Variants in RASGRP1 observed in about 807,000 individuals in gnomAD.
RASGRP1 encodes the protein RAS guanyl releasing protein 1.
RASGRP1 carries 37 observed loss-of-function variants against 95.1 expected under a neutral mutation model. The ratio of observed to expected loss-of-function variants is 0.39; its 90% CI spans 0.30 to 0.51. The LOEUF is 0.51. RASGRP1 is among the 20% of genes least tolerant of loss of function. The probability of loss-of-function intolerance (pLI) is 0.80; values close to 1 mark genes in which losing one functional copy is unlikely to be tolerated. For synonymous variants in RASGRP1, 325 were observed against 353.4 expected, an observed-to-expected ratio of 0.92 and a Z score of 0.90; for missense variants, 711 against 965.4, an observed-to-expected ratio of 0.74 and a Z score of 3.49.
At chr15:38,524,897 G>T (rs368114675) in intron 3 of RASGRP1, among the ~76,000 whole-genome samples, 25 of 151,610 alleles carry the variant, frequency 1.6e-4, no homozygotes, top group African/African-American at 5.3e-4. Context: ...GGGAAAGGGA[G>T]GGGGGGTCTG....
chr15:38,563,509 C>T (rs1378951700), intron 1 of RASGRP1, among the ~76,000 whole-genome samples: 1 of 152,102 alleles, frequency 6.6e-6, no homozygotes, highest in Non-Finnish European at 1.5e-5. Context: ...TTATGAAATC[C>T]GCCTAGAAAA....
At chr15:38,522,717 A>C (rs753773414) in intron 3 of RASGRP1, among the ~76,000 whole-genome samples, 2 of 152,180 alleles carry the variant, frequency 1.3e-5, no homozygotes, top group African/African-American at 2.4e-5. Context: ...GCCCCATTAC[A>C]TCCAGTATAT....
chr15:38,498,717 G>A (rs1397964812), intron 15 of RASGRP1, 77 bp downstream of exon 15: 3 of 1,528,170 alleles, frequency 2.0e-6, no homozygotes, highest in East Asian at 2.3e-5. Flanking sequence ...ACAGAGTCAT[G>A]AGGTAATCTT....
intron 2 of RASGRP1, among the ~76,000 whole-genome samples, chr15:38,547,636 A>C (rs937778483): frequency 6.6e-6 from 1 of 152,210 alleles, no homozygotes; most frequent in African/African-American, 2.4e-5. Flanking sequence ...AATCTTGTTA[A>C]ATTTCCACCC....
intron 2 of RASGRP1, among the ~76,000 whole-genome samples, chr15:38,552,652 A>G (rs1893384496): frequency 6.6e-6 from 1 of 152,244 alleles, no homozygotes; most frequent in African/African-American, 2.4e-5. Flanking sequence ...AAATGTAGTC[A>G]TGAATTAGGA....
At chr15:38,494,343 A>AAGAT (rs748162696) in intron 16 of RASGRP1, 39 bp downstream of exon 16, 2 of 1,607,358 alleles carry the variant, frequency 1.2e-6, no homozygotes, top group South Asian at 2.2e-5. Flanking sequence ...CCACTTCTCT[A>AAGAT]AGATAGTCTG....
intron 2 of RASGRP1, among the ~76,000 whole-genome samples, chr15:38,542,918 T>C (rs1264900993): frequency 8.6e-6 from 1 of 115,656 alleles, no homozygotes; most frequent in African/African-American, 3.2e-5. Flanking sequence ...CATATATATG[T>C]GTGTATATAT....
In RASGRP1 at chr15:38,512,300, T is replaced by C. The variant is rs192606892; in HGVS notation, c.849+483A>G. 2.6e-5 allele frequency among the ~76,000 whole-genome samples: 4 copies of C among 152,348 alleles called. No homozygotes were observed. In the South Asian group the frequency reaches 8.3e-4, roughly 32 times the overall value. On this transcript the variant is annotated intron_variant, in intron 7 of 16. Coordinates refer to ENST00000310803, the MANE Select transcript of RASGRP1 (RefSeq NM_005739.4). ...AGGACAGTAACTGGGACAGAGAAGC[T>C]AGAATCTCTGGGGAACTTCAAATAT...
chr15:38,536,093 C>G (rs1381315717), intron 2 of RASGRP1, among the ~76,000 whole-genome samples: 2 of 152,234 alleles, frequency 1.3e-5, no homozygotes, highest in African/African-American at 4.8e-5. Flanking sequence ...ACTGAATATA[C>G]CTGGTGGCTA....
intron 16 of RASGRP1, among the ~76,000 whole-genome samples, chr15:38,491,547 C>T (rs1176355730): frequency 6.6e-6 from 1 of 152,100 alleles, no homozygotes; most frequent in African/African-American, 2.4e-5. Flanking sequence ...TTTGCTTATT[C>T]TTTTGTCCCA....
chr15:38,563,615 TC>T (rs940163325), intron 1 of RASGRP1, among the ~76,000 whole-genome samples: 4 of 152,334 alleles, frequency 2.6e-5, no homozygotes, highest in African/African-American at 9.6e-5. Flanking sequence ...TTCCTTCCAG[TC>T]CCGTCCTCTT....
chr15:38,537,733 G>A (rs533716113), intron 2 of RASGRP1, among the ~76,000 whole-genome samples: 5 of 152,114 alleles, frequency 3.3e-5, no homozygotes, highest in African/African-American at 1.2e-4. Context: ...TGAGATTTGG[G>A]CAGGAACAAC....
intron 8 of RASGRP1, among the ~76,000 whole-genome samples, chr15:38,511,233 G>A (rs1891500912): frequency 6.6e-6 from 1 of 152,112 alleles, no homozygotes; most frequent in East Asian, 1.9e-4. Context: ...CTGACCTATG[G>A]TCAACCGAAC....
rs1484032638 is a variant in RASGRP1, at chr15:38,519,293, C to T, written c.389+16G>A. On this transcript the variant is annotated intron_variant, in intron 4 of 16. Transcript: ENST00000310803. ...CCTTGCTCCACAAAGTCTTGAAATA[C>T]ATAAAGAAACATTACCTTACAAAAT... is the stretch of plus-strand genomic sequence containing the variant. 6.6e-7 allele frequency: 1 copy of T among 1,515,382 alleles called. No individual in the cohort carries two copies. Among genetic ancestry groups the T allele is most frequent in the Non-Finnish European group, 9.1e-7 (1 of 1,094,278 alleles). The allele number at this position is 1,515,382 out of a possible 1,614,324, so 93.9% of individuals were successfully genotyped here.
chr15:38,500,203 G>T, intron 13 of RASGRP1, 64 bp from the exon 14 acceptor site: 2 of 1,541,994 alleles, frequency 1.3e-6, no homozygotes, highest in Non-Finnish European at 1.8e-6. Context: ...GCTACAAGGT[G>T]ACATTCCTTT....
chr15:38,559,879 T>G lies in RASGRP1; in HGVS notation c.162A>C (p.Gly54=), dbSNP rs1173793766. ...ITQFRMMVSL[G]HLAKGASLDD... Reference sequence around the variant, plus strand: ...CCAGGCTGGCTCCTTTGGCTAAATGTCCCAGAGACACCATCATTCGGAACT... The same window carrying G: ...CCAGGCTGGCTCCTTTGGCTAAATGGCCCAGAGACACCATCATTCGGAACT... The change falls in exon 2 of 17, where the codon GGA becomes GGC. Residue 54 remains glycine, a synonymous_variant. Transcript: ENST00000310803. 8.1e-6 allele frequency: 13 copies of G among 1,613,800 alleles called. 1 individual carries two copies. In the Admixed American group the frequency reaches 1.0e-4, roughly 12 times the overall value.
intron 3 of RASGRP1, among the ~76,000 whole-genome samples, chr15:38,521,238 A>G (rs926798500): frequency 6.6e-6 from 1 of 152,164 alleles, no homozygotes; most frequent in Non-Finnish European, 1.5e-5. Flanking sequence ...CTCAGATTCT[A>G]TATTTTTATC....
chr15:38,556,757 A>C (rs534162764), intron 2 of RASGRP1, among the ~76,000 whole-genome samples: 7 of 152,362 alleles, frequency 4.6e-5, no homozygotes, highest in East Asian at 1.9e-4. Context: ...TGGCCAGTGC[A>C]TTGGACAGCA....
intron 2 of RASGRP1, among the ~76,000 whole-genome samples, chr15:38,554,973 C>T (rs539011983): frequency 1.2e-4 from 18 of 152,242 alleles, no homozygotes; most frequent in South Asian, 2.1e-4. Flanking sequence ...ATTAGGTCTG[C>T]ATCCCCAATG....
Sources: allele counts gnomAD v4.1 joint callset (sites outside exome capture counted in the v4.1 genomes callset), GRCh38; gene constraint gnomAD v4.1.1; transcripts MANE v1.5; gene names NCBI Gene and HGNC (gene_info 2026-07-23, HGNC 2026-07-21).